The following AFF2 variants were observed in gnomAD, a reference collection of about 807,000 sequenced individuals.
The protein encoded by AFF2 is AF4/FMR2 family member 2.
Under a neutral mutation model 76.9 loss-of-function variants are expected in AFF2, and 14 were observed. That is an observed-to-expected ratio of 0.18 (90% CI 0.12 to 0.28). The LOEUF is 0.28. AFF2 is among the 10% of genes least tolerant of loss of function. The probability of loss-of-function intolerance (pLI) is 1.00; values close to 1 mark genes in which losing one functional copy is unlikely to be tolerated. For synonymous variants in AFF2, 398 were observed against 366.7 expected, an observed-to-expected ratio of 1.09 and a Z score of -0.98; for missense variants, 868 against 1,001.1, an observed-to-expected ratio of 0.87 and a Z score of 1.79.
At chrX:148,745,879 A>G (rs1366015518) in intron 3 of AFF2, among the ~76,000 whole-genome samples, 10 of 110,664 alleles carry the variant, frequency 9.0e-5, no homozygotes, top group Admixed American at 3.8e-4. Flanking sequence ...AGTAGCTGGG[A>G]CTACAGGTGC....
chrX:148,620,528 T>A lies in AFF2; in HGVS notation c.48-31471T>A, dbSNP rs186319000. On this transcript the variant is annotated intron_variant, in intron 1 of 20. Coordinates refer to ENST00000370460, the MANE Select transcript of AFF2 (RefSeq NM_002025.4). ...TTATGCCCTGGGTTCAATTAAAAAA[T>A]ATATATATATATATTGTTCTTCTAG... Among the ~76,000 whole-genome samples, 211 of 108,454 alleles carry A rather than the reference T, an allele frequency of 1.9e-3. 1 individual carries two copies. In the East Asian group the frequency reaches 0.026, roughly 13 times the overall value. The allele number at this position is 108,454 out of a possible 115,157, so 94.2% of individuals were successfully genotyped here.
At chrX:148,637,096 G>A (rs2054039483) in intron 1 of AFF2, among the ~76,000 whole-genome samples, 1 of 111,870 alleles carries the variant, frequency 8.9e-6, no homozygotes, top group African/African-American at 3.3e-5. Context: ...GCATAGTTTT[G>A]TTGTACTAGT....
At chrX:148,610,822 T>C (rs1236257100) in intron 1 of AFF2, among the ~76,000 whole-genome samples, 2 of 111,441 alleles carry the variant, frequency 1.8e-5, no homozygotes, top group African/African-American at 3.3e-5. Flanking sequence ...GACTGCTGTG[T>C]AATAGTTGAG....
intron 1 of AFF2, among the ~76,000 whole-genome samples, chrX:148,550,066 T>G (rs782544198): frequency 9.0e-6 from 1 of 111,096 alleles, no homozygotes; most frequent in Non-Finnish European, 1.9e-5. Context: ...AGAATGAGAG[T>G]TGACAGAATT....
At chrX:148,935,115 T>C (rs1353123183) in intron 9 of AFF2, among the ~76,000 whole-genome samples, 1 of 109,609 alleles carries the variant, frequency 9.1e-6, no homozygotes, top group Non-Finnish European at 1.9e-5. Context: ...ATGGCACACA[T>C]TAAGAACTCA....
intron 1 of AFF2, among the ~76,000 whole-genome samples, chrX:148,602,455 G>A (rs188173601): frequency 1.8e-5 from 2 of 109,836 alleles, no homozygotes; most frequent in Admixed American, 2.0e-4. Flanking sequence ...GGGGGTGTGG[G>A]ATTGGAGGGG....
chrX:148,722,201 TTGTG>T (rs1412766848), intron 3 of AFF2, among the ~76,000 whole-genome samples: 1 of 110,501 alleles, frequency 9.0e-6, no homozygotes, highest in Non-Finnish European at 1.9e-5. Context: ...ATGAGGGAAA[TTGTG>T]TGAGTTCTGG....
In AFF2 at chrX:148,730,861, C is replaced by A. The variant is rs151323258; in HGVS notation, c.1041+68093C>A. 3.2e-3 allele frequency among the ~76,000 whole-genome samples: 361 copies of A among 112,184 alleles called. 4 individuals are homozygous for A. The highest frequency in any genetic ancestry group is 0.011 in the African/African-American group (344 of 30,929). ...GGTGGTGTGGTCTCAGGAAGCCAAGCTGTGGAAGACAGAAGCTCCATTTCA... is the reference window on the plus strand; with the variant it reads ...GGTGGTGTGGTCTCAGGAAGCCAAGATGTGGAAGACAGAAGCTCCATTTCA... On this transcript the variant is annotated intron_variant, in intron 3 of 20. Transcript: ENST00000370460.
At chrX:148,784,235 A>G (rs2069783818) in intron 3 of AFF2, among the ~76,000 whole-genome samples, 1 of 112,272 alleles carries the variant, frequency 8.9e-6, no homozygotes, top group Non-Finnish European at 1.9e-5. Context: ...ACAGGCTGTG[A>G]GTACCACCTG....
At chrX:148,695,165 G>C (rs1168366294) in intron 3 of AFF2, among the ~76,000 whole-genome samples, 1 of 111,398 alleles carries the variant, frequency 9.0e-6, no homozygotes, top group East Asian at 2.8e-4. Flanking sequence ...GTTACCATTT[G>C]TGTGGGCTAG....
rs1557288173 is a variant in AFF2 at position 148,962,711 on chromosome X, A to C, written c.2691-4A>C. ...TGACACCCTACACTTCTTGTTTTTC[A>C]CAGAAATAATTCATCCAGGAGAGCA... is the stretch of plus-strand genomic sequence containing the variant. On this transcript the variant is annotated splice_polypyrimidine_tract_variant and splice_region_variant and intron_variant, in intron 12 of 20. Transcript: ENST00000370460. The C allele has an allele frequency of 1.7e-6, 2 of 1,198,362 alleles. No homozygotes were observed. Among genetic ancestry groups the C allele is most frequent in the Non-Finnish European group, 2.3e-6 (2 of 883,909 alleles).
At chrX:148,560,845 C>T (rs961353429) in intron 1 of AFF2, among the ~76,000 whole-genome samples, 47 of 110,591 alleles carry the variant, frequency 4.2e-4, no homozygotes, top group African/African-American at 1.5e-3. Context: ...CTGGGGGGGG[C>T]ACCTCCTGTT....
chrX:148,962,528 G>T (rs2072121275), intron 12 of AFF2, among the ~76,000 whole-genome samples, 187 bp from the exon 13 acceptor site: 1 of 111,741 alleles, frequency 8.9e-6, no homozygotes, highest in African/African-American at 3.3e-5. Context: ...TATTTATATA[G>T]AGAGATATCT....
intron 3 of AFF2, among the ~76,000 whole-genome samples, chrX:148,776,073 T>C (rs2069663622): frequency 9.0e-6 from 1 of 110,793 alleles, no homozygotes; most frequent in South Asian, 4.0e-4. Context: ...TGTGTTCTCG[T>C]TGTTCAACTC....
At chrX:148,908,675 C>A (rs1557281709) in intron 9 of AFF2, among the ~76,000 whole-genome samples, 1 of 112,037 alleles carries the variant, frequency 8.9e-6, no homozygotes, top group African/African-American at 3.2e-5. Flanking sequence ...GGCCCAGCGG[C>A]ATCATTTACA....
In AFF2 at chrX:148,725,795, A is replaced by G. The variant is rs782374511; in HGVS notation, c.1041+63027A>G. Among the ~76,000 whole-genome samples, 9 of 112,447 alleles carry G rather than the reference A, an allele frequency of 8.0e-5. No homozygotes were observed. In the South Asian group the frequency reaches 2.6e-3, roughly 32 times the overall value. Reference sequence around the variant, plus strand: ...AATTATTTTACTTGTAATACTTTAAATTATTATGGATAGTATATCTTGGCC... The same window carrying G: ...AATTATTTTACTTGTAATACTTTAAGTTATTATGGATAGTATATCTTGGCC... On this transcript the variant is annotated intron_variant, in intron 3 of 20. Transcript: ENST00000370460.
intron 8 of AFF2, among the ~76,000 whole-genome samples, chrX:148,893,083 T>G (rs2071242589): frequency 8.9e-6 from 1 of 112,270 alleles, no homozygotes; most frequent in African/African-American, 3.2e-5. Context: ...GCCGTTAAGG[T>G]TACAGAATGT....
At chrX:148,652,931 G>A (rs894370141) in intron 2 of AFF2, among the ~76,000 whole-genome samples, 1 of 112,096 alleles carries the variant, frequency 8.9e-6, no homozygotes, top group Admixed American at 9.5e-5. Context: ...GATGTAAGAA[G>A]TACAACAATA....
chrX:148,953,876 C>A (rs782150202), intron 10 of AFF2, 137 bp downstream of exon 10: 2 of 584,170 alleles, frequency 3.4e-6, no homozygotes, highest in East Asian at 3.7e-5. Flanking sequence ...GCATGATAAC[C>A]ACTTCAGAAA....
Sources: allele counts gnomAD v4.1 joint callset (sites outside exome capture counted in the v4.1 genomes callset), GRCh38; gene constraint gnomAD v4.1.1; transcripts MANE v1.5; gene names NCBI Gene and HGNC (gene_info 2026-07-23, HGNC 2026-07-21).